Variants in KANK1 observed in about 807,000 individuals in gnomAD.
The protein encoded by KANK1 is KN motif and ankyrin repeat domain-containing protein 1.
Under a neutral mutation model 106.2 loss-of-function variants are expected in KANK1, and 109 were observed. The observed-to-expected ratio is 1.03, with a 90% CI of 0.88 to 1.20. The LOEUF is 1.20. KANK1 is among the 50% of genes most tolerant of loss of function. KANK1 has a pLI of 0.00. For synonymous variants in KANK1, 873 were observed against 652.2 expected (o/e 1.34, Z -5.16); for missense variants, 2,399 against 1,710.7 (o/e 1.40, Z -7.10).
chr9:543,755 A>G lies in KANK1; in HGVS notation c.-84+39001A>G, dbSNP rs910604227. 2.6e-5 allele frequency among the ~76,000 whole-genome samples: 4 copies of G among 152,114 alleles called. No individual in the cohort carries two copies. In the East Asian group the frequency reaches 5.8e-4, roughly 22 times the overall value. On this transcript the variant is annotated intron_variant, in intron 1 of 11. Transcript: ENST00000382297. ...ACAAAGTTTCCACTTGAAAAAACAT[A>G]ACTCTAATTGATTTAAAAAAGTAGT...
chr9:537,142 T>C (rs532392987), intron 1 of KANK1, among the ~76,000 whole-genome samples: 1 of 152,298 alleles, frequency 6.6e-6, no homozygotes, highest in East Asian at 1.9e-4. Context: ...AATACTGAAG[T>C]ATAAAATGAA....
At chr9:517,918 A>G (rs1484260014) in intron 1 of KANK1, among the ~76,000 whole-genome samples, 1 of 151,186 alleles carries the variant, frequency 6.6e-6, no homozygotes, top group African/African-American at 2.5e-5. Context: ...TTGTATTTTT[A>G]GTAGAGATGG....
chr9:606,591 A>G (rs1232116683), intron 1 of KANK1, among the ~76,000 whole-genome samples: 2 of 124,942 alleles, frequency 1.6e-5, no homozygotes, highest in Admixed American at 7.4e-5. Context: ...TTATAAACCT[A>G]TAAAATATGT....
intron 2 of KANK1, among the ~76,000 whole-genome samples, chr9:682,639 A>T (rs1271528146): frequency 2.0e-5 from 3 of 152,166 alleles, no homozygotes; most frequent in Non-Finnish European, 4.4e-5. Flanking sequence ...GTTGCAGAGA[A>T]CATCTTCCCT....
chr9:530,577 A>G (rs1220118220), intron 1 of KANK1, among the ~76,000 whole-genome samples: 1 of 152,098 alleles, frequency 6.6e-6, no homozygotes, highest in Admixed American at 6.5e-5. Flanking sequence ...TGAGCTATTC[A>G]TGTTTTAGTT....
At chr9:690,245 G>T (rs940565600) in intron 2 of KANK1, among the ~76,000 whole-genome samples, 4 of 150,414 alleles carry the variant, frequency 2.7e-5, no homozygotes, top group Non-Finnish European at 5.9e-5. Context: ...GGCAGAGGTT[G>T]CAGTGAGCCG....
At position 692,507 on chromosome 9, in the gene KANK1, C is replaced by CTTT. The variant is rs5895860; in HGVS notation, c.37+15510_37+15512dup. On this transcript the variant is annotated intron_variant, in intron 2 of 11. Transcript: ENST00000382297. ...GAGATTTGGGTTAGATTTTTTCTTC[C>CTTT]TTTTTTTTTTTTTTACTTTAAACTT... Among the ~76,000 whole-genome samples the CTTT allele has an allele frequency of 1.3e-3, 190 of 142,336 alleles. 2 individuals are homozygous for CTTT. Among genetic ancestry groups the CTTT allele is most frequent in the African/African-American group, 4.6e-3 (179 of 38,956 alleles). 93.4% of individuals were successfully genotyped at this position (142,336 alleles called of 152,430 possible). A position where few individuals can be genotyped will look rare whatever the true frequency, so the allele number is the denominator to read the frequency against.
At chr9:591,569 T>G (rs527462871) in intron 1 of KANK1, among the ~76,000 whole-genome samples, 1 of 151,980 alleles carries the variant, frequency 6.6e-6, no homozygotes, top group East Asian at 1.9e-4. Context: ...CCAACCTCCT[T>G]CCTGTCCCTG....
chr9:713,766 T>G (rs1420761870), intron 3 of KANK1, among the ~76,000 whole-genome samples: 2 of 152,116 alleles, frequency 1.3e-5, no homozygotes, highest in Non-Finnish European at 2.9e-5. Context: ...TGCTTTATTC[T>G]TTGTCTTTCA....
chr9:518,306 G>A (rs182803103), intron 1 of KANK1, among the ~76,000 whole-genome samples: 20 of 151,866 alleles, frequency 1.3e-4, no homozygotes, highest in Admixed American at 7.9e-4. Flanking sequence ...GGCTTAAAGC[G>A]GTTGTTCACA....
intron 1 of KANK1, among the ~76,000 whole-genome samples, chr9:606,207 C>T (rs1024142972): frequency 2.0e-5 from 3 of 149,974 alleles, no homozygotes; most frequent in African/African-American, 7.5e-5. Context: ...TACGTACATA[C>T]ATATATAATA....
chr9:510,613 T>C (rs766836248), intron 1 of KANK1, among the ~76,000 whole-genome samples: 2 of 152,190 alleles, frequency 1.3e-5, no homozygotes, highest in African/African-American at 4.8e-5. Context: ...CAGCGGTGCA[T>C]AGGGAGAGCC....
chr9:664,887 C>T (rs7042975), intron 1 of KANK1, among the ~76,000 whole-genome samples: 135,741 of 151,996 alleles, frequency 0.89, 60,745 homozygotes, highest in East Asian at 0.97. Flanking sequence ...TGAGATTATA[C>T]CTCATCGTGG....
chr9:673,694 A>C (rs1389754302), intron 1 of KANK1: 1 of 152,142 alleles, frequency 6.6e-6, no homozygotes, highest in Non-Finnish European at 1.5e-5. Context: ...AAAGTTTATT[A>C]AGCTTGACTA....
At chr9:716,376 T>A (rs892212291) in intron 3 of KANK1, among the ~76,000 whole-genome samples, 3 of 152,208 alleles carry the variant, frequency 2.0e-5, no homozygotes, top group African/African-American at 7.2e-5. Context: ...GAAATGTAGA[T>A]CTAGAACAAA....
intron 1 of KANK1, among the ~76,000 whole-genome samples, chr9:611,369 C>T (rs1432728376): frequency 2.0e-5 from 3 of 152,174 alleles, no homozygotes; most frequent in Non-Finnish European, 2.9e-5. Flanking sequence ...CTACACTTAT[C>T]TCCAGGATTC....
intron 1 of KANK1, among the ~76,000 whole-genome samples, chr9:614,749 T>C (rs10815346): frequency 0.26 from 39,341 of 151,988 alleles, 5,289 homozygotes; most frequent in Admixed American, 0.34. Context: ...TTGGTGTAGG[T>C]TGTGGGCCTT....
upstream of KANK1, among the ~76,000 whole-genome samples, chr9:504,472 C>T (rs960583172): frequency 1.3e-5 from 2 of 151,796 alleles, no homozygotes; most frequent in Middle Eastern, 3.4e-3. Context: ...CCGCGGGGAG[C>T]CGGGCGTCCT....
chr9:691,536 C>T (rs912535804), intron 2 of KANK1, among the ~76,000 whole-genome samples: 4 of 150,100 alleles, frequency 2.7e-5, no homozygotes, highest in East Asian at 1.9e-4. Context: ...GCTAGGATTG[C>T]GGGCATGAGC....
Sources: gnomAD v4.1 joint callset for allele counts (sites outside exome capture counted in the v4.1 genomes callset) on GRCh38, gnomAD v4.1.1 for gene constraint, MANE v1.5 for transcripts, NCBI Gene and HGNC (gene_info 2026-07-23, HGNC 2026-07-21) for gene names.